The following COPG2 variants were observed in gnomAD, a reference collection of about 807,000 sequenced individuals.
COPG2 encodes the protein coat protein complex I subunit gamma 2, also known as coatomer subunit gamma-2.
Under a neutral mutation model 46.3 loss-of-function variants are expected in COPG2, and 37 were observed. That is an observed-to-expected ratio of 0.80 (90% confidence interval 0.61 to 1.05). The LOEUF is 1.05. Among genes scored for constraint, COPG2 ranks in the 50% least tolerant of loss-of-function variants. COPG2 has a pLI of 0.00. For missense variants in COPG2, 427 were observed against 387.8 expected (o/e 1.10, Z -0.85); for synonymous variants, 159 against 129.7 (o/e 1.23, Z -1.53).
At chr7:130,577,192 C>A (rs1005835795) in intron 9 of COPG2, among the ~76,000 whole-genome samples, 30 of 152,186 alleles carry the variant, frequency 2.0e-4, no homozygotes, top group African/African-American at 7.2e-4. Flanking sequence ...AGGAACAGCT[C>A]CCGTCTACAG....
intron 20 of COPG2, among the ~76,000 whole-genome samples, chr7:130,531,455 G>A (rs2116359333): frequency 6.6e-6 from 1 of 152,140 alleles, no homozygotes; most frequent in East Asian, 1.9e-4. Context: ...TGGTGATTAA[G>A]GAAAAGGGAC....
chr7:130,536,399 C>G (rs1799879646), intron 20 of COPG2, among the ~76,000 whole-genome samples: 1 of 152,058 alleles, frequency 6.6e-6, no homozygotes, highest in Non-Finnish European at 1.5e-5. Flanking sequence ...CGAGGGAGGG[C>G]TGGGGACATG....
chr7:130,607,834 A>G (rs961958815), intron 9 of COPG2: 1 of 518,242 alleles, frequency 1.9e-6, no homozygotes, highest in Non-Finnish European at 3.9e-6. Flanking sequence ...CCCTCAGGAG[A>G]ATAGCAAAAA....
chr7:130,598,517 G>A (rs1426669460), intron 9 of COPG2, among the ~76,000 whole-genome samples: 3 of 152,174 alleles, frequency 2.0e-5, no homozygotes, highest in Admixed American at 6.5e-5. Flanking sequence ...CCAGGAAACC[G>A]GATCTTGTCT....
At chr7:130,508,401 G>A (rs1799538708) in intron 21 of COPG2, 161 bp downstream of exon 21, 1 of 575,780 alleles carries the variant, frequency 1.7e-6, no homozygotes, top group East Asian at 2.8e-5. Flanking sequence ...TCCAGTTACA[G>A]AGGAGGGTTA....
At chr7:130,665,614 G>C (rs1340941477) in intron 3 of COPG2, among the ~76,000 whole-genome samples, 1 of 149,654 alleles carries the variant, frequency 6.7e-6, no homozygotes, top group Non-Finnish European at 1.5e-5. Flanking sequence ...TATAGTCTAA[G>C]TATTATAATC....
At chr7:130,629,458 G>C (rs541561143) in intron 5 of COPG2, among the ~76,000 whole-genome samples, 1 of 148,298 alleles carries the variant, frequency 6.7e-6, no homozygotes, top group South Asian at 2.2e-4. Flanking sequence ...GCAGTGGTGT[G>C]ATCTCGGCTC....
At chr7:130,560,564 T>C (rs1793702415) in intron 12 of COPG2, among the ~76,000 whole-genome samples, 2 of 152,200 alleles carry the variant, frequency 1.3e-5, no homozygotes, top group African/African-American at 4.8e-5. Context: ...ACTTAAGAGG[T>C]ACCATAATGC....
rs953309522 is a variant in COPG2, at chr7:130,557,163, G to A, written c.1129-2031C>T. On this transcript the variant is annotated intron_variant, in intron 12 of 23. Transcript: ENST00000425248. ...ACTCGATAATTCACCAAGGTAGCAG[G>A]ATATAAAATTAACATGCAAAACCAG... 4.5e-4 allele frequency among the ~76,000 whole-genome samples: 68 copies of A among 152,000 alleles called. 3 individuals carry two copies. In the South Asian group the frequency reaches 0.014, roughly 30 times the overall value.
At chr7:130,608,475 C>T (rs1475968015) in intron 9 of COPG2, among the ~76,000 whole-genome samples, 3 of 152,166 alleles carry the variant, frequency 2.0e-5, no homozygotes, top group African/African-American at 7.2e-5. Flanking sequence ...CTTTTAGCAT[C>T]CTTCATGATG....
Position 130,668,589 on chromosome 7 carries a change from G to T in COPG2, c.37+43C>A, listed in dbSNP as rs377030802. ...CAGGTGGCGGCGGGCGGGGGAAGGG[G>T]CGTCCCGCGGCTGAGGGTGGGCCTC... On this transcript the variant is annotated intron_variant, in intron 1 of 23. Transcript: ENST00000425248. The T allele has an allele frequency of 2.7e-6, 4 of 1,488,490 alleles. No homozygotes were observed. The African/African-American group carries it at 5.9e-5, about 22-fold the overall frequency. The allele number at this position is 1,488,490 out of a possible 1,614,324, so 92.2% of individuals were successfully genotyped here. A position where few individuals can be genotyped will look rare whatever the true frequency, so the allele number is the denominator to read the frequency against.
intron 20 of COPG2, among the ~76,000 whole-genome samples, chr7:130,536,079 G>A (rs1391283871): frequency 6.6e-6 from 1 of 152,018 alleles, no homozygotes; most frequent in Non-Finnish European, 1.5e-5. Context: ...GAGTGCCTGG[G>A]AGTCATATTA....
intron 1 of COPG2, 40 bp downstream of exon 1, chr7:130,668,592 T>C (rs1353417856): frequency 9.4e-6 from 14 of 1,494,260 alleles, no homozygotes; most frequent in Non-Finnish European, 1.2e-5. Context: ...GGAAGGGGCG[T>C]CCCGCGGCTG....
intron 9 of COPG2, among the ~76,000 whole-genome samples, chr7:130,574,549 C>T (rs1171456230): frequency 6.6e-6 from 1 of 152,188 alleles, no homozygotes; most frequent in Non-Finnish European, 1.5e-5. Context: ...GAACAACAGA[C>T]TTCCGCCTAG....
chr7:130,511,293 A>G (rs529912293), intron 20 of COPG2: 2 of 395,896 alleles, frequency 5.1e-6, no homozygotes, highest in East Asian at 1.4e-4. Flanking sequence ...CACTAGGGCA[A>G]AAGATTAGAA....
At chr7:130,634,978 T>C (rs1795306704) in intron 5 of COPG2, among the ~76,000 whole-genome samples, 1 of 151,534 alleles carries the variant, frequency 6.6e-6, no homozygotes, top group African/African-American at 2.4e-5. Flanking sequence ...CATGTGGTTT[T>C]TGTCATTGGC....
chr7:130,619,417 G>T (rs561343086), intron 5 of COPG2, among the ~76,000 whole-genome samples: 1 of 151,906 alleles, frequency 6.6e-6, no homozygotes, highest in Non-Finnish European at 1.5e-5. Context: ...TCTTTTTGTC[G>T]CTGCCATAAA....
chr7:130,622,012 G>C (rs1203533469), intron 5 of COPG2, among the ~76,000 whole-genome samples: 3 of 149,790 alleles, frequency 2.0e-5, no homozygotes, highest in African/African-American at 7.4e-5. Flanking sequence ...ATGTACCATA[G>C]CTTGTCAACC....
rs566351884 is a variant in COPG2, at chr7:130,508,650, G to A, written c.2159C>T (p.Ser720Phe). ...PDDDPTAVAG[S>F]FSCTMKFTVR... is the part of the protein sequence containing the mutation. ...TGTAAACTTCATGGTGCAGCTAAAG[G>A]AGCCTGCAACTGGAGGAGAAGGGAG... The change falls in exon 21 of 24, where the codon TCC (serine) becomes TTC (phenylalanine). Residue 720 changes from serine to phenylalanine, a missense_variant. Physicochemically the swap from Ser to Phe is radical, Grantham distance 155 (BLOSUM62 -2). Coordinates refer to ENST00000425248, the MANE Select transcript of COPG2 (RefSeq NM_012133.6). 2 of 766,914 alleles carry A rather than the reference G, an allele frequency of 2.6e-6. No individual in the cohort carries two copies. The highest frequency in any genetic ancestry group is 4.9e-5 in the East Asian group (2 of 40,926). 47.5% of individuals were successfully genotyped at this position (766,914 alleles called of 1,614,324 possible). A position where few individuals can be genotyped will look rare whatever the true frequency, so the allele number is the denominator to read the frequency against.
Sources: allele counts gnomAD v4.1 joint callset (sites outside exome capture counted in the v4.1 genomes callset), GRCh38; gene constraint gnomAD v4.1.1; transcripts MANE v1.5; gene names NCBI Gene and HGNC (gene_info 2026-07-23, HGNC 2026-07-21).